MYRIP: variants seen among roughly 807,000 people sequenced by gnomAD.
MYRIP encodes myosin VIIA and Rab interacting protein.
MYRIP carries 49 observed loss-of-function variants against 98.0 expected under a neutral mutation model. The ratio of observed to expected loss-of-function variants is 0.50; its 90% CI spans 0.40 to 0.63. The LOEUF (loss-of-function observed/expected upper bound fraction) is 0.63. Ranked by LOEUF, MYRIP falls within the 30% of genes least tolerant of loss-of-function variation. The pLI, the probability that MYRIP is intolerant of heterozygous loss-of-function variation, is 0.00. For missense variants in MYRIP, 1,004 were observed against 1,058.2 expected, an observed-to-expected ratio of 0.95 and a Z score of 0.71; for synonymous variants, 404 against 409.5, an observed-to-expected ratio of 0.99 and a Z score of 0.16.
In MYRIP at chr3:40,060,409, CAG is replaced by C. The variant is rs200185562; in HGVS notation, c.332+16140_332+16141del. 5.4e-3 allele frequency among the ~76,000 whole-genome samples: 815 copies of C among 152,100 alleles called. 5 individuals are homozygous for C. Among genetic ancestry groups the C allele is most frequent in the African/African-American group, 0.019 (788 of 41,494 alleles). On this transcript the variant is annotated intron_variant, in intron 3 of 16. Coordinates refer to ENST00000302541, the MANE Select transcript of MYRIP (RefSeq NM_015460.4). Reference sequence around the variant, plus strand: ...TTGTGGACTATGTTTTGCTTGAACTCAGATTTTTTTTTTCTTATTTCAAAGGA... The same window carrying C: ...TTGTGGACTATGTTTTGCTTGAACTCATTTTTTTTTTCTTATTTCAAAGGA...
chr3:40,241,911 A>G (rs1459661319), intron 12 of MYRIP, among the ~76,000 whole-genome samples: 2 of 152,238 alleles, frequency 1.3e-5, no homozygotes, highest in Non-Finnish European at 2.9e-5. Context: ...TGTTATTTCA[A>G]GCCAGCCACA....
At chr3:40,228,592 C>T (rs1952558708) in intron 11 of MYRIP, among the ~76,000 whole-genome samples, 1 of 152,156 alleles carries the variant, frequency 6.6e-6, no homozygotes, top group South Asian at 2.1e-4. Context: ...AGTGTGAGTA[C>T]CAGTGTCCCT....
At chr3:39,829,223 C>A (rs75371210) in intron 1 of MYRIP, among the ~76,000 whole-genome samples, 4,854 of 152,180 alleles carry the variant, frequency 0.032, 238 homozygotes, top group African/African-American at 0.11. Context: ...TTTCCCTGAT[C>A]GTCAGTATGA....
intron 1 of MYRIP, among the ~76,000 whole-genome samples, chr3:39,824,396 T>C (rs1941204516): frequency 6.6e-6 from 1 of 152,174 alleles, no homozygotes; most frequent in Non-Finnish European, 1.5e-5. Flanking sequence ...AAGAATGTCA[T>C]TAGTATTTTG....
chr3:40,222,779 C>A (rs772482522), intron 11 of MYRIP, among the ~76,000 whole-genome samples: 124 of 152,268 alleles, frequency 8.1e-4, no homozygotes, highest in Middle Eastern at 6.8e-3. Flanking sequence ...GTATAAAGAA[C>A]CTGTACAAGA....
At chr3:40,184,020 G>C (rs1950960329) in intron 9 of MYRIP, among the ~76,000 whole-genome samples, 1 of 152,220 alleles carries the variant, frequency 6.6e-6, no homozygotes, top group African/African-American at 2.4e-5. Context: ...AGAAACTGCA[G>C]TGCCATGACA....
chr3:39,938,999 G>A (rs544561475), intron 2 of MYRIP, among the ~76,000 whole-genome samples: 118 of 152,224 alleles, frequency 7.8e-4, no homozygotes, highest in Non-Finnish European at 1.4e-3. Flanking sequence ...CATTTCCTGA[G>A]TGATGACCCA....
chr3:39,974,103 A>G (rs1391264285), intron 2 of MYRIP, among the ~76,000 whole-genome samples: 1 of 152,186 alleles, frequency 6.6e-6, no homozygotes, highest in Admixed American at 6.5e-5. Flanking sequence ...AAAATCAATG[A>G]ATCCAGGAGC....
chr3:39,994,846 G>C (rs1485611304), intron 2 of MYRIP, among the ~76,000 whole-genome samples: 1 of 152,190 alleles, frequency 6.6e-6, no homozygotes, highest in African/African-American at 2.4e-5. Context: ...AAAACTTCCA[G>C]AGGAACAATT....
At chr3:39,825,687 G>A (rs1941242401) in intron 1 of MYRIP, among the ~76,000 whole-genome samples, 1 of 152,048 alleles carries the variant, frequency 6.6e-6, no homozygotes, top group South Asian at 2.1e-4. Flanking sequence ...GGCTATGCTG[G>A]CCTGGCAAAA....
intron 1 of MYRIP, among the ~76,000 whole-genome samples, chr3:39,865,978 G>T (rs956658594): frequency 6.6e-6 from 1 of 152,142 alleles, no homozygotes; most frequent in African/African-American, 2.4e-5. Context: ...ATACACCATG[G>T]AATACTATGC....
intron 4 of MYRIP, among the ~76,000 whole-genome samples, chr3:40,160,886 A>G (rs757986836): frequency 2.0e-5 from 3 of 151,990 alleles, no homozygotes; most frequent in African/African-American, 7.2e-5. Context: ...ACACCCACTG[A>G]CCTGTGCCCA....
intron 3 of MYRIP, among the ~76,000 whole-genome samples, chr3:40,063,480 G>T (rs747301370): frequency 1.3e-5 from 2 of 152,124 alleles, no homozygotes; most frequent in Non-Finnish European, 2.9e-5. Context: ...CTATACAAAA[G>T]GTCTATGCTA....
chr3:40,051,918 G>A (rs567903019), intron 3 of MYRIP, among the ~76,000 whole-genome samples: 3 of 152,064 alleles, frequency 2.0e-5, no homozygotes, highest in Non-Finnish European at 4.4e-5. Flanking sequence ...TATCTTAGTT[G>A]TATGTATTTT....
At chr3:40,034,632 A>C (rs1471373731) in intron 2 of MYRIP, among the ~76,000 whole-genome samples, 1 of 149,818 alleles carries the variant, frequency 6.7e-6, no homozygotes, top group Admixed American at 6.6e-5. Context: ...GTGGGACTGT[A>C]AACTAGTTCA....
At chr3:39,973,238 CA>C (rs1945646106) in intron 2 of MYRIP, among the ~76,000 whole-genome samples, 1 of 152,024 alleles carries the variant, frequency 6.6e-6, no homozygotes, top group African/African-American at 2.4e-5. Flanking sequence ...CAAAAAAAGA[CA>C]GGGGCTGTAA....
chr3:40,171,966 G>T (rs1434766785), intron 8 of MYRIP, among the ~76,000 whole-genome samples: 1 of 152,234 alleles, frequency 6.6e-6, no homozygotes, highest in Non-Finnish European at 1.5e-5. Flanking sequence ...TGGCAGGCAA[G>T]AGAGCGTGTG....
At chr3:40,087,375 T>C (rs1948651425) in intron 3 of MYRIP, among the ~76,000 whole-genome samples, 1 of 152,218 alleles carries the variant, frequency 6.6e-6, no homozygotes, top group Admixed American at 6.5e-5. Flanking sequence ...TACCTATTAT[T>C]ATTGCTGCTG....
chr3:39,914,953 G>C (rs1379646508), intron 2 of MYRIP, among the ~76,000 whole-genome samples: 1 of 151,988 alleles, frequency 6.6e-6, no homozygotes, highest in African/African-American at 2.4e-5. Context: ...ATGACACTTA[G>C]ATTTTATTCA....
Sources: allele counts gnomAD v4.1 joint callset (sites outside exome capture counted in the v4.1 genomes callset), GRCh38; gene constraint gnomAD v4.1.1; transcripts MANE v1.5; gene names NCBI Gene and HGNC (gene_info 2026-07-23, HGNC 2026-07-21).